The following CNOT10 variants were observed in gnomAD, a reference collection of about 807,000 sequenced individuals.
The protein encoded by CNOT10 is CCR4-NOT transcription complex, subunit 10.
A neutral mutation model predicts 94.6 loss-of-function variants in CNOT10; 30 were observed. That is an observed-to-expected ratio of 0.32 (90% CI 0.24 to 0.43). The LOEUF (loss-of-function observed/expected upper bound fraction) is 0.43. Among genes scored for constraint, CNOT10 ranks in the 20% least tolerant of loss-of-function variants. The probability of loss-of-function intolerance (pLI) is 1.00; values close to 1 mark genes in which losing one functional copy is unlikely to be tolerated. For synonymous variants in CNOT10, 289 were observed against 301.6 expected, an observed-to-expected ratio of 0.96 and a Z score of 0.43; for missense variants, 759 against 877.2, an observed-to-expected ratio of 0.87 and a Z score of 1.70.
chr3:32,711,725 C>T (rs987826503), intron 4 of CNOT10, among the ~76,000 whole-genome samples: 2 of 152,134 alleles, frequency 1.3e-5, no homozygotes, highest in African/African-American at 4.8e-5. Flanking sequence ...ATGGAGAAGA[C>T]TTGAGGTGAG....
Position 32,713,274 on chromosome 3 carries a change from A to G in CNOT10, c.478A>G (p.Ile160Val), listed in dbSNP as rs139334381. 2.5e-6 allele frequency: 4 copies of G among 1,597,698 alleles called. No individual in the cohort carries two copies. The highest frequency in any genetic ancestry group is 3.4e-6 in the Non-Finnish European group (4 of 1,175,926). ...AVCFLLVDLYILTYQAEKALH... is the reference protein window; with the variant it reads ...AVCFLLVDLYVLTYQAEKALH... ...GTGTTTTTTGCTTGTAGACCTGTAT[A>G]TATTAACCTACCAAGCTGAGAAAGC... Residue 160 changes from isoleucine to valine, a missense_variant, in exon 5 of 19, where the codon ATA becomes GTA. Ile to Val is a conservative substitution (Grantham distance 29, BLOSUM62 3). Coordinates refer to ENST00000328834, the MANE Select transcript of CNOT10 (RefSeq NM_015442.3).
At chr3:32,721,068 T>TC (rs1457456816) in intron 8 of CNOT10, among the ~76,000 whole-genome samples, 1 of 140,060 alleles carries the variant, frequency 7.1e-6, no homozygotes, top group Non-Finnish European at 1.6e-5. Context: ...TTCTTTTTTT[T>TC]TTTTTTTTTT....
intron 12 of CNOT10, 125 bp from the exon 13 acceptor site, chr3:32,737,285 A>T: frequency 1.6e-6 from 1 of 614,822 alleles, no homozygotes. Context: ...ATTGCACTCC[A>T]TCCTGAGCGA....
rs141555659 is a variant in CNOT10, at chr3:32,763,338, G to A, written c.1840+475G>A. Among the ~76,000 whole-genome samples the A allele has an allele frequency of 4.2e-3, 639 of 152,146 alleles. 4 individuals are homozygous for A. The highest frequency in any genetic ancestry group is 0.015 in the African/African-American group (615 of 41,542). On this transcript the variant is annotated intron_variant, in intron 15 of 18. Coordinates refer to ENST00000328834, the MANE Select transcript of CNOT10 (RefSeq NM_015442.3). ...AAAATAAGGAAAGAAAAAAAAGTTTGTTTTAAGTCATTGCTAAATTTCTAA... is the reference window on the plus strand; with the variant it reads ...AAAATAAGGAAAGAAAAAAAAGTTTATTTTAAGTCATTGCTAAATTTCTAA...
At chr3:32,695,147 C>CCA (rs1233191490) in intron 1 of CNOT10, among the ~76,000 whole-genome samples, 2 of 152,176 alleles carry the variant, frequency 1.3e-5, no homozygotes, top group African/African-American at 4.8e-5. Context: ...GTGTGCTTTC[C>CCA]CATTTCTCCA....
At chr3:32,737,854 T>G (rs1699264375) in intron 13 of CNOT10, among the ~76,000 whole-genome samples, 3 of 152,130 alleles carry the variant, frequency 2.0e-5, no homozygotes, top group Admixed American at 2.0e-4. Context: ...ACTGTTAATA[T>G]GATGAATTAC....
In CNOT10 at chr3:32,732,497, G is replaced by C. The variant is rs928157964; in HGVS notation, c.1216-926G>C. 2.4e-3 allele frequency among the ~76,000 whole-genome samples: 362 copies of C among 151,318 alleles called. 10 individuals carry two copies. The highest frequency in any genetic ancestry group is 0.024 in the Admixed American group (360 of 15,166). The stretch of plus-strand genomic sequence containing the variant: ...GCTACTTGGGAGGCTGAAGCAGGAG[G>C]ATCACTTGAGCCCAGGAGGCCGAAG... On this transcript the variant is annotated intron_variant, in intron 10 of 18. Coordinates refer to ENST00000328834, the MANE Select transcript of CNOT10 (RefSeq NM_015442.3).
At chr3:32,697,789 A>C (rs991803691) in intron 1 of CNOT10, among the ~76,000 whole-genome samples, 1 of 152,210 alleles carries the variant, frequency 6.6e-6, no homozygotes, top group African/African-American at 2.4e-5. Flanking sequence ...CATATTTTAG[A>C]AGAAGCTTTA....
chr3:32,698,408 T>TTATATTA (rs1265478216), intron 1 of CNOT10, among the ~76,000 whole-genome samples: 29 of 152,324 alleles, frequency 1.9e-4, no homozygotes, highest in African/African-American at 5.1e-4. Flanking sequence ...AAGTGGTGAC[T>TTATATTA]CTCAAAAGGG....
chr3:32,733,295 CAA>C, intron 10 of CNOT10, 126 bp from the exon 11 acceptor site: 1 of 660,940 alleles, frequency 1.5e-6, no homozygotes, highest in Non-Finnish European at 2.4e-6. Flanking sequence ...CCATTATCAC[CAA>C]AAAAAGTCCT....
At chr3:32,742,556 A>G (rs1190887704) in intron 13 of CNOT10, among the ~76,000 whole-genome samples, 2 of 151,900 alleles carry the variant, frequency 1.3e-5, no homozygotes, top group Non-Finnish European at 2.9e-5. Flanking sequence ...TAATTTTTGT[A>G]TTTTTGGTAG....
At chr3:32,689,920 A>C (rs1024548469) in intron 1 of CNOT10, among the ~76,000 whole-genome samples, 12 of 152,188 alleles carry the variant, frequency 7.9e-5, no homozygotes, top group Non-Finnish European at 1.6e-4. Flanking sequence ...GTGCCACTGT[A>C]CTGTAGCCTG....
chr3:32,755,161 A>G (rs1188259868), intron 13 of CNOT10, among the ~76,000 whole-genome samples: 2 of 151,232 alleles, frequency 1.3e-5, no homozygotes, highest in African/African-American at 4.8e-5. Context: ...CAGGAGAATC[A>G]CTTGCAACCG....
chr3:32,720,782 G>A (rs1342608069), intron 8 of CNOT10, among the ~76,000 whole-genome samples: 1 of 152,050 alleles, frequency 6.6e-6, no homozygotes, highest in African/African-American at 2.4e-5. Flanking sequence ...ACTGTGCCTG[G>A]CCCAGATAGC....
In CNOT10 at chr3:32,727,684, A is replaced by G; in HGVS notation, c.1029A>G (p.Gly343=). 18 of 1,612,452 alleles carry G rather than the reference A, an allele frequency of 1.1e-5. No individual in the cohort carries two copies. Among genetic ancestry groups the G allele is most frequent in the Non-Finnish European group, 1.5e-5 (18 of 1,179,064 alleles). ...GSTDPGKKFS[G]RPMCTLLTNK... is the part of the protein sequence containing the mutation. ...TATCACTAGGTAAAAAATTTTCAGG[A>G]AGACCCATGTGTACGTTACTAACCA... Residue 343 remains glycine (G), a synonymous_variant, in exon 10 of 19, where the codon GGA becomes GGG. Transcript: ENST00000328834.
intron 1 of CNOT10, among the ~76,000 whole-genome samples, chr3:32,699,135 G>A (rs1443333832): frequency 6.6e-6 from 1 of 152,182 alleles, no homozygotes; most frequent in Non-Finnish European, 1.5e-5. Context: ...TTATCAAAAA[G>A]TGCCCAGATC....
rs745348303 is a variant in CNOT10 at position 32,720,891 on chromosome 3, TTTCCTTCCTTCCTTCCTTCC to T, written c.862+685_862+704del. Among the ~76,000 whole-genome samples, 110 of 107,364 alleles carry T rather than the reference TTTCCTTCCTTCCTTCCTTCC, an allele frequency of 1.0e-3. 2 individuals are homozygous for T. In the East Asian group the frequency reaches 0.017, roughly 16 times the overall value. The allele number at this position is 107,364 out of a possible 152,430, so 70.4% of individuals were successfully genotyped here. ...CTCCTTCCTTCTTTCTTTTCCTTCT[TTTCCTTCCTTCCTTCCTTCC>T]TTCCTTCCTTCCTTCCTTCCTTCCC... On this transcript the variant is annotated intron_variant, in intron 8 of 18. Transcript: ENST00000328834.
chr3:32,723,404 A>C (rs939531689), intron 8 of CNOT10, among the ~76,000 whole-genome samples: 2 of 152,010 alleles, frequency 1.3e-5, no homozygotes, highest in Non-Finnish European at 2.9e-5. Flanking sequence ...AAAAAAAAAA[A>C]AGAAAAGAGA....
At chr3:32,733,698 TATAGGTCC>T (rs1278744446) in intron 11 of CNOT10, among the ~76,000 whole-genome samples, 154 bp downstream of exon 11, 1 of 152,188 alleles carries the variant, frequency 6.6e-6, no homozygotes, top group Non-Finnish European at 1.5e-5. Flanking sequence ...GACCCTCATG[TATAGGTCC>T]ATAGTGAATG....
Sources: gnomAD v4.1 joint callset for allele counts (sites outside exome capture counted in the v4.1 genomes callset) on GRCh38, gnomAD v4.1.1 for gene constraint, MANE v1.5 for transcripts, NCBI Gene and HGNC (gene_info 2026-07-23, HGNC 2026-07-21) for gene names.